Variants in INTU observed in about 807,000 individuals in gnomAD.
INTU encodes protein inturned.
In INTU, 68 loss-of-function variants were observed where a neutral mutation model predicts 100.5. The observed-to-expected ratio is 0.68, with a 90% CI of 0.56 to 0.83. The LOEUF is 0.83. INTU is among the 40% of genes least tolerant of loss of function. The pLI is 0.00. For synonymous variants in INTU, 357 were observed against 395.7 expected (o/e 0.90, Z 1.16); for missense variants, 1,071 against 1,114.7 (o/e 0.96, Z 0.56).
intron 7 of INTU, chr4:127,686,085 T>G (rs1287816298): frequency 6.6e-6 from 1 of 152,196 alleles, no homozygotes; most frequent in Non-Finnish European, 1.5e-5. Context: ...TGAAAGATAT[T>G]AAGGGCCAAT....
rs1730895008 is a variant in INTU, at chr4:127,706,712, A to G, written c.2014A>G (p.Thr672Ala). The G allele has an allele frequency of 1.2e-6, 2 of 1,614,052 alleles. No homozygotes were observed. The highest frequency in any genetic ancestry group is 2.7e-5 in the African/African-American group (2 of 75,026). The change falls in exon 12 of 16, where the codon ACC (threonine) becomes GCC (alanine). Residue 672 changes from threonine (T) to alanine (A), a missense_variant. Physicochemically the swap from Thr to Ala is moderately conservative, Grantham distance 58 (BLOSUM62 0). Transcript: ENST00000335251. ...ATCACGTGAAAAAACAGATAGCTTG[A>G]CCACTTCGCCTATTCTCAGTAGGCT... ...TGSREKTDSL[T>A]TSPILSRLQG...
At chr4:127,672,783 A>T (rs1325073553) in intron 5 of INTU, among the ~76,000 whole-genome samples, 4 of 152,104 alleles carry the variant, frequency 2.6e-5, no homozygotes, top group Non-Finnish European at 4.4e-5. Context: ...GTGTGAAAAA[A>T]TTTATTTTAT....
intron 1 of INTU, among the ~76,000 whole-genome samples, chr4:127,641,379 C>T (rs1022677815): frequency 6.6e-6 from 1 of 152,222 alleles, no homozygotes. Flanking sequence ...CGCATTTACT[C>T]TGACAACTGC....
chr4:127,706,774 C>G lies in INTU; in HGVS notation c.2076C>G (p.Cys692Trp). The change falls in exon 12 of 16, where the codon TGC (cysteine) becomes TGG (tryptophan). Residue 692 changes from cysteine to tryptophan, a missense_variant. Physicochemically the swap from Cys to Trp is radical, Grantham distance 215 (BLOSUM62 -2). Coordinates refer to ENST00000335251, the MANE Select transcript of INTU (RefSeq NM_015693.4). ...CCAAAGTAGCAACTTCTCCAACATG[C>G]AGAAGAACGCTTTTTGGTGACTATT... ...GTSKVATSPT[C>W]RRTLFGDYSL... The G allele has an allele frequency of 6.2e-7, 1 of 1,614,050 alleles. No homozygotes were observed. The highest frequency in any genetic ancestry group is 8.5e-7 in the Non-Finnish European group (1 of 1,179,936).
At chr4:127,691,307 C>G (rs187190319) in intron 8 of INTU, among the ~76,000 whole-genome samples, 307 of 152,196 alleles carry the variant, frequency 2.0e-3, no homozygotes, top group Non-Finnish European at 3.4e-3. Flanking sequence ...GGTCAAATAG[C>G]AAGAGAATGT....
intron 14 of INTU, among the ~76,000 whole-genome samples, chr4:127,713,670 CTAATA>C (rs974516591): frequency 1.6e-4 from 24 of 152,108 alleles, no homozygotes; most frequent in African/African-American, 5.8e-4. Flanking sequence ...CTATAAACTG[CTAATA>C]TAATATAATA....
intron 14 of INTU, among the ~76,000 whole-genome samples, chr4:127,712,059 C>G (rs989454251): frequency 3.9e-5 from 6 of 152,034 alleles, no homozygotes; most frequent in African/African-American, 1.5e-4. Flanking sequence ...GCCAAAAAAC[C>G]TCTCTGAAAA....
rs1284693536 is a variant in INTU at position 127,723,138 on chromosome 4, C to G, written c.*6702C>G. The G allele has an allele frequency of 6.6e-6, 1 of 152,230 alleles. No homozygotes were observed. The highest frequency in any genetic ancestry group is 1.5e-5 in the Non-Finnish European group (1 of 68,090). 9.4% of individuals were successfully genotyped at this position (152,230 alleles called of 1,614,324 possible). On this transcript the variant is annotated 3_prime_UTR_variant, in exon 16 of 16. Transcript: ENST00000335251. Reference sequence around the variant, plus strand: ...AAGCCTGGTTTTCAGGGAGGGGAAGCAAAATCCTTCACCATCTCCCTTGGC... The same window carrying G: ...AAGCCTGGTTTTCAGGGAGGGGAAGGAAAATCCTTCACCATCTCCCTTGGC...
At chr4:127,700,396 G>A (rs1226015899) in intron 9 of INTU, among the ~76,000 whole-genome samples, 2 of 152,146 alleles carry the variant, frequency 1.3e-5, no homozygotes, top group East Asian at 1.9e-4. Flanking sequence ...TGTCAATATC[G>A]TTTTTAATCT....
At chr4:127,648,344 G>A (rs1314003560) in intron 2 of INTU, among the ~76,000 whole-genome samples, 1 of 151,992 alleles carries the variant, frequency 6.6e-6, no homozygotes, top group African/African-American at 2.4e-5. Flanking sequence ...AATGAGAAGT[G>A]GATATAATAT....
rs1727431574 is a variant in INTU, at chr4:127,643,641, G to C, written c.267G>C (p.Arg89Ser). The C allele has an allele frequency of 6.2e-7, 1 of 1,613,742 alleles. No homozygotes were observed. Among genetic ancestry groups the C allele is most frequent in the African/African-American group, 1.3e-5 (1 of 74,912 alleles). ...LPETPTVNHV[R>S]FSENEIIIED... ...AGACACCAACTGTGAACCATGTCAG[G>C]TTCAGTGAAAATGAGATTATCATTG... The change falls in exon 2 of 16, where the codon AGG (arginine) becomes AGC (serine). Residue 89 changes from arginine (R) to serine (S), a missense_variant. Physicochemically the swap from Arg to Ser is moderately radical, Grantham distance 110. Coordinates refer to ENST00000335251, the MANE Select transcript of INTU (RefSeq NM_015693.4).
Position 127,718,819 on chromosome 4 carries a change from T to A in INTU, c.*2383T>A, listed in dbSNP as rs1356107404. 1 of 152,248 alleles carries A rather than the reference T, an allele frequency of 6.6e-6. No individual in the cohort carries two copies. Among genetic ancestry groups the A allele is most frequent in the Non-Finnish European group, 1.5e-5 (1 of 68,056 alleles). The allele number at this position is 152,248 out of a possible 1,614,324, so 9.4% of individuals were successfully genotyped here. A position where few individuals can be genotyped will look rare whatever the true frequency, so the allele number is the denominator to read the frequency against. The stretch of plus-strand genomic sequence containing the variant: ...TTGGTGTATAGGAATGCTGGTGACT[T>A]CTGCACAATGATTTTGTATCTTGAG... On this transcript the variant is annotated 3_prime_UTR_variant, in exon 16 of 16. Coordinates refer to ENST00000335251, the MANE Select transcript of INTU (RefSeq NM_015693.4).
In INTU at chr4:127,717,692, G is replaced by A. The variant is rs543762113; in HGVS notation, c.*1256G>A. The A allele has an allele frequency of 6.6e-6, 1 of 152,204 alleles. No individual in the cohort carries two copies. Among genetic ancestry groups the A allele is most frequent in the South Asian group, 2.1e-4 (1 of 4,832 alleles). 9.4% of individuals were successfully genotyped at this position (152,204 alleles called of 1,614,324 possible). ...TAATAATAGCCACTCTGACTGGTGT[G>A]AGATGATATCTCATTGTGGTTTTGA... is the stretch of plus-strand genomic sequence containing the variant. On this transcript the variant is annotated 3_prime_UTR_variant, in exon 16 of 16. Coordinates refer to ENST00000335251, the MANE Select transcript of INTU (RefSeq NM_015693.4).
intron 8 of INTU, among the ~76,000 whole-genome samples, chr4:127,691,838 A>G (rs1730143431): frequency 6.6e-6 from 1 of 151,698 alleles, no homozygotes; most frequent in Non-Finnish European, 1.5e-5. Context: ...GTGAGAACAT[A>G]TGATGTTTGG....
chr4:127,706,272 A>T (rs867587891), intron 11 of INTU, among the ~76,000 whole-genome samples: 7 of 152,344 alleles, frequency 4.6e-5, no homozygotes, highest in Middle Eastern at 6.8e-3. Context: ...GTTTGATGGT[A>T]TATCAAGATA....
intron 3 of INTU, among the ~76,000 whole-genome samples, chr4:127,660,346 A>C (rs566707502): frequency 5.3e-5 from 8 of 152,282 alleles, no homozygotes; most frequent in Non-Finnish European, 1.2e-4. Context: ...AGCCAGTCAG[A>C]CTCGATTCCC....
At chr4:127,700,196 C>A in intron 9 of INTU, 133 bp downstream of exon 9, 2 of 672,652 alleles carry the variant, frequency 3.0e-6, no homozygotes, top group Non-Finnish European at 4.8e-6. Flanking sequence ...TTGACAGTGA[C>A]AAAATCTATT....
intron 1 of INTU, among the ~76,000 whole-genome samples, chr4:127,635,816 C>G (rs1296903500): frequency 1.3e-5 from 2 of 152,302 alleles, no homozygotes; most frequent in East Asian, 3.9e-4. Flanking sequence ...TATGCCTCTC[C>G]TGATAACCAT....
intron 5 of INTU, among the ~76,000 whole-genome samples, chr4:127,670,943 A>G (rs1235238502): frequency 6.6e-6 from 1 of 152,034 alleles, no homozygotes; most frequent in Non-Finnish European, 1.5e-5. Flanking sequence ...CATCTCTCTC[A>G]CCATATACAA....
Sources: gnomAD v4.1 joint callset for allele counts (sites outside exome capture counted in the v4.1 genomes callset) on GRCh38, gnomAD v4.1.1 for gene constraint, MANE v1.5 for transcripts, NCBI Gene and HGNC (gene_info 2026-07-23, HGNC 2026-07-21) for gene names.